Variants in CALR observed in about 807,000 individuals in gnomAD.
The protein encoded by CALR is CRP55.
CALR carries 15 observed loss-of-function variants against 51.1 expected under a neutral mutation model. The observed-to-expected ratio is 0.29, with a 90% CI of 0.20 to 0.45. The LOEUF (loss-of-function observed/expected upper bound fraction) is 0.45, where lower values mean the gene tolerates loss of function less well. Ranked by LOEUF, CALR falls within the 20% of genes least tolerant of loss-of-function variation. The probability of loss-of-function intolerance (pLI) is 1.00; values close to 1 mark genes in which losing one functional copy is unlikely to be tolerated. For synonymous variants in CALR, 239 were observed against 205.9 expected (o/e 1.16, Z -1.38); for missense variants, 477 against 530.6 (o/e 0.90, Z 0.99).
chr19:12,940,345 G>A lies in CALR; in HGVS notation c.595G>A (p.Asp199Asn), dbSNP rs199565419. ...GGTGGAGTCCGGCTCCTTGGAAGACGATTGGGACTTCCTGCCACCCAAGAA... is the reference window on the plus strand; with the variant it reads ...GGTGGAGTCCGGCTCCTTGGAAGACAATTGGGACTTCCTGCCACCCAAGAA... ...SQVESGSLED[D>N]WDFLPPKKIK... Residue 199 changes from aspartate to asparagine, a missense_variant, in exon 5 of 9, where the codon GAT becomes AAT. Transcript: ENST00000316448. 5.0e-6 allele frequency: 8 copies of A among 1,614,106 alleles called. No homozygotes were observed. The highest frequency in any genetic ancestry group is 4.5e-5 in the East Asian group (2 of 44,886).
rs1005686614 is a variant in CALR at position 12,939,081 on chromosome 19, T to TG, written c.92-45dup. 966 of 1,028,808 alleles carry TG rather than the reference T, an allele frequency of 9.4e-4. 1 individual carries two copies. Among genetic ancestry groups the TG allele is most frequent in the African/African-American group, 4.9e-3 (314 of 63,726 alleles). 63.7% of individuals were successfully genotyped at this position (1,028,808 alleles called of 1,614,324 possible). The stretch of plus-strand genomic sequence containing the variant: ...TGTGGCTCTCGGCAGATGTTTGGTG[T>TG]GGGGGGGGATTAGCACAGCCGCTCT... On this transcript the variant is annotated intron_variant, in intron 1 of 8. Coordinates refer to ENST00000316448, the MANE Select transcript of CALR (RefSeq NM_004343.4).
chr19:12,939,586 G>A lies in CALR; in HGVS notation c.352G>A (p.Asp118Asn), dbSNP rs201017921. ...GYVKLFPNSL[D>N]QTDMHGDSEY... Reference sequence around the variant, plus strand: ...TGTGAAGCTGTTTCCTAATAGTTTGGACCAGACAGACATGCACGGAGACTC... The same window carrying A: ...TGTGAAGCTGTTTCCTAATAGTTTGAACCAGACAGACATGCACGGAGACTC... Residue 118 changes from aspartate (D) to asparagine (N), a missense_variant, in exon 3 of 9, where the codon GAC becomes AAC. Coordinates refer to ENST00000316448, the MANE Select transcript of CALR (RefSeq NM_004343.4). 6 of 1,614,094 alleles carry A rather than the reference G, an allele frequency of 3.7e-6. No homozygotes were observed. In the African/African-American group the frequency reaches 5.3e-5, roughly 14 times the overall value.
At chr19:12,940,174 C>G (rs767198171) in intron 4 of CALR, 27 bp downstream of exon 4, 1 of 1,610,744 alleles carries the variant, frequency 6.2e-7, no homozygotes, top group Non-Finnish European at 8.5e-7. Flanking sequence ...TGGCAAATGG[C>G]TGTCATGGGG....
chr19:12,939,148 C>T lies in CALR; in HGVS notation c.106C>T (p.Arg36Cys). The T allele has an allele frequency of 6.2e-7, 1 of 1,607,314 alleles. No homozygotes were observed. The highest frequency in any genetic ancestry group is 8.5e-7 in the Non-Finnish European group (1 of 1,176,590). Residue 36 changes from arginine (R) to cysteine (C), a missense_variant, in exon 2 of 9, where the codon CGC becomes TGC. By Grantham distance (180) the Arg-to-Cys change is radical. Transcript: ENST00000316448. ...QFLDGDGWTS[R>C]WIESKHKSDF... ...CCCCCACTTAGACGGGTGGACTTCC[C>T]GCTGGATCGAATCCAAACACAAGTC...
In CALR at chr19:12,938,728, G is replaced by A. The variant is rs752512916; in HGVS notation, c.49G>A (p.Ala17Thr). Residue 17 changes from alanine to threonine, a missense_variant, in exon 1 of 9, where the codon GCC (alanine) becomes ACC (threonine). Ala to Thr is a moderately conservative substitution (Grantham distance 58). Transcript: ENST00000316448. The stretch of plus-strand genomic sequence containing the variant: ...GCTCGGCCTCCTCGGCCTGGCCGTC[G>A]CCGAGCCTGCCGTCTACTTCAAGGA... ...LLLGLLGLAVAEPAVYFKEQF... is the reference protein window; with the variant it reads ...LLLGLLGLAVTEPAVYFKEQF... 1.2e-6 allele frequency: 2 copies of A among 1,611,490 alleles called. No individual in the cohort carries two copies. Among genetic ancestry groups the A allele is most frequent in the South Asian group, 1.1e-5 (1 of 90,934 alleles).
chr19:12,938,648 G>C lies in CALR; in HGVS notation c.-32G>C. 6.4e-7 allele frequency: 1 copy of C among 1,563,060 alleles called. No homozygotes were observed. The stretch of plus-strand genomic sequence containing the variant: ...GCCGCTGCCGGAGGGTCGTTTTAAA[G>C]GGCCCGCGCGTTGCCGCCCCCTCGG... On this transcript the variant is annotated 5_prime_UTR_variant, in exon 1 of 9. Coordinates refer to ENST00000316448, the MANE Select transcript of CALR (RefSeq NM_004343.4).
rs7250381 is a variant in CALR, at chr19:12,939,387, A to G, written c.194-41A>G. 9.7e-3 allele frequency: 15,401 copies of G among 1,594,600 alleles called. 1,353 individuals are homozygous for G. In the African/African-American group the frequency reaches 0.18, roughly 19 times the overall value. ...ATTCTCTAAGTCGAGGGTCCTCGCG[A>G]GTCAAGGCCCAACGGTGACCTCACT... On this transcript the variant is annotated intron_variant, in intron 2 of 8. Transcript: ENST00000316448.
chr19:12,942,975 CG>C (rs1568449406), intron 7 of CALR, among the ~76,000 whole-genome samples: 2 of 151,742 alleles, frequency 1.3e-5, no homozygotes, highest in Non-Finnish European at 2.9e-5. Flanking sequence ...AGGTTGGTCT[CG>C]AACTCCTGGC....
intron 3 of CALR, 53 bp from the exon 4 acceptor site, chr19:12,940,000 C>A: frequency 1.6e-6 from 2 of 1,250,346 alleles, no homozygotes; most frequent in Non-Finnish European, 2.4e-6. Context: ...GGGGTGAGAG[C>A]CTCGAGATGA....
chr19:12,938,630 C>G lies in CALR; in HGVS notation c.-50C>G. 4 of 1,422,766 alleles carry G rather than the reference C, an allele frequency of 2.8e-6. No individual in the cohort carries two copies. The highest frequency in any genetic ancestry group is 3.9e-6 in the Non-Finnish European group (4 of 1,025,382). The allele number at this position is 1,422,766 out of a possible 1,614,324, so 88.1% of individuals were successfully genotyped here. On this transcript the variant is annotated 5_prime_UTR_variant, in exon 1 of 9. Transcript: ENST00000316448. ...GTCCGTCCGTACTGCAGAGCCGCTGCCGGAGGGTCGTTTTAAAGGGCCCGC... is the reference window on the plus strand; with the variant it reads ...GTCCGTCCGTACTGCAGAGCCGCTGGCGGAGGGTCGTTTTAAAGGGCCCGC...
At chr19:12,941,496 G>A (rs1193560484) in intron 7 of CALR, among the ~76,000 whole-genome samples, 4 of 133,202 alleles carry the variant, frequency 3.0e-5, no homozygotes, top group Admixed American at 8.3e-5. Flanking sequence ...TTTTGAGACC[G>A]TGCCTTGCTC....
chr19:12,943,790 A>AGAG lies in CALR; in HGVS notation c.1142_1144dup (p.Glu381dup). ...AGGAGGAAGAAGACAAGAAACGCAA[A>AGAG]GAGGAGGAGGAGGCAGAGGACAAGG... On this transcript the variant is annotated inframe_insertion, in exon 9 of 9. Transcript: ENST00000316448. The AGAG allele has an allele frequency of 1.3e-6, 2 of 1,595,822 alleles. No individual in the cohort carries two copies. The highest frequency in any genetic ancestry group is 1.7e-6 in the Non-Finnish European group (2 of 1,170,974).
intron 1 of CALR, 93 bp downstream of exon 1, chr19:12,938,863 T>A: frequency 1.0e-6 from 1 of 1,002,968 alleles, no homozygotes; most frequent in East Asian, 2.6e-5. Context: ...CGTTTAGAGG[T>A]CCAACACGGT....
At chr19:12,941,917 TAAAA>T (rs1971553495) in intron 7 of CALR, among the ~76,000 whole-genome samples, 1 of 151,956 alleles carries the variant, frequency 6.6e-6, no homozygotes, top group Admixed American at 6.6e-5. Flanking sequence ...ACAAAAACTT[TAAAA>T]ATTGGCGAGA....
rs191183059 is a variant in CALR, at chr19:12,944,210, A to G, written c.*297A>G. 469 of 503,782 alleles carry G rather than the reference A, an allele frequency of 9.3e-4. 3 individuals are homozygous for G. The highest frequency in any genetic ancestry group is 8.1e-3 in the African/African-American group (410 of 50,880). The allele number at this position is 503,782 out of a possible 1,614,324, so 31.2% of individuals were successfully genotyped here. A position where few individuals can be genotyped will look rare whatever the true frequency, so the allele number is the denominator to read the frequency against. The stretch of plus-strand genomic sequence containing the variant: ...CCTCTGTCCCCTTCTCTCATCTCTT[A>G]GCTCCCCTCCAACCTGGGGGGCAGT... On this transcript the variant is annotated 3_prime_UTR_variant, in exon 9 of 9. Coordinates refer to ENST00000316448, the MANE Select transcript of CALR (RefSeq NM_004343.4).
chr19:12,943,503 T>A, intron 7 of CALR, 34 bp from the exon 8 acceptor site: 1 of 1,590,318 alleles, frequency 6.3e-7, no homozygotes, highest in Non-Finnish European at 8.6e-7. Context: ...CTATCGGGTA[T>A]CACCTCTGAC....
chr19:12,940,299 G>A lies in CALR; in HGVS notation c.549G>A (p.Glu183=). 1 of 1,614,210 alleles carries A rather than the reference G, an allele frequency of 6.2e-7. No homozygotes were observed. Among genetic ancestry groups the A allele is most frequent in the Middle Eastern group, 1.6e-4 (1 of 6,062 alleles). ...TTGTGCGGCCAGACAACACCTATGA[G>A]GTGAAGATTGACAACAGCCAGGTGG... The part of the protein sequence containing the change: ...TLIVRPDNTY[E]VKIDNSQVES... The change falls in exon 5 of 9, where the codon GAG becomes GAA. Residue 183 remains glutamate (E), a synonymous_variant. Transcript: ENST00000316448.
At chr19:12,940,511 C>T in intron 5 of CALR, 30 bp from the exon 6 acceptor site, 2 of 1,612,428 alleles carry the variant, frequency 1.2e-6, no homozygotes, top group Non-Finnish European at 1.7e-6. Context: ...GACATCTGGG[C>T]CAACTCTGAT....
intron 3 of CALR, 75 bp from the exon 4 acceptor site, chr19:12,939,978 C>G: frequency 9.3e-7 from 1 of 1,079,802 alleles, no homozygotes; most frequent in Non-Finnish European, 1.4e-6. Context: ...CCAGGTCTTC[C>G]TTTTATAAAG....
Sources: gnomAD v4.1 joint callset for allele counts (sites outside exome capture counted in the v4.1 genomes callset) on GRCh38, gnomAD v4.1.1 for gene constraint, MANE v1.5 for transcripts, NCBI Gene and HGNC (gene_info 2026-07-23, HGNC 2026-07-21) for gene names.